The following IRF6 variants were observed in gnomAD, a reference collection of about 807,000 sequenced individuals.
The protein encoded by IRF6 is interferon regulatory factor 6, also known as Van der Woude syndrome.
A neutral mutation model predicts 51.4 loss-of-function variants in IRF6; 6 were observed. The ratio of observed to expected loss-of-function variants is 0.12; its 90% confidence interval spans 0.06 to 0.23. The LOEUF (loss-of-function observed/expected upper bound fraction) is 0.23. Among genes scored for constraint, IRF6 ranks in the 10% least tolerant of loss-of-function variants. The pLI is 1.00. For missense variants in IRF6, 348 were observed against 585.2 expected, an observed-to-expected ratio of 0.59 and a Z score of 4.18; for synonymous variants, 178 against 215.7, an observed-to-expected ratio of 0.83 and a Z score of 1.53.
Position 209,796,179 on chromosome 1 carries a change from T to C in IRF6, c.379+169A>G, listed in dbSNP as rs1571983176. The stretch of plus-strand genomic sequence containing the variant: ...AACATTCCCCTAAGTAAGCAAGATT[T>C]TGCTGAGTCTGCATCTTTTGTTTTC... On this transcript the variant is annotated intron_variant, in intron 4 of 8. Transcript: ENST00000367021. The surrounding 1 kb of genome is among the most constrained non-coding windows in gnomAD (Gnocchi z 4.5). Among the ~76,000 whole-genome samples the C allele has an allele frequency of 2.6e-5, 4 of 152,364 alleles. No homozygotes were observed. In the South Asian group the frequency reaches 8.3e-4, roughly 32 times the overall value.
chr1:209,797,387 A>AT (rs2077909340), intron 3 of IRF6, among the ~76,000 whole-genome samples: 1 of 150,560 alleles, frequency 6.6e-6, no homozygotes, highest in Non-Finnish European at 1.5e-5. Flanking sequence ...AAAAAAAAAA[A>AT]AAAAAAAAAG....
At chr1:209,805,452 G>C (rs1221488388) in intron 1 of IRF6, among the ~76,000 whole-genome samples, 1 of 152,150 alleles carries the variant, frequency 6.6e-6, no homozygotes, top group African/African-American at 2.4e-5. Context: ...GGCCCAGGGC[G>C]AAGGGCCTAA....
chr1:209,792,529 T>G, intron 5 of IRF6, 102 bp from the exon 6 acceptor site: 1 of 1,256,008 alleles, frequency 8.0e-7, no homozygotes, highest in Non-Finnish European at 1.1e-6. Flanking sequence ...AACCAAACAC[T>G]GAACCCTGAC....
rs1444234877 is a variant in IRF6, at chr1:209,785,707, A to C, written c.*2713T>G. 6.6e-6 allele frequency: 1 copy of C among 152,222 alleles called. No homozygotes were observed. Among genetic ancestry groups the C allele is most frequent in the Non-Finnish European group, 1.5e-5 (1 of 68,036 alleles). The allele number at this position is 152,222 out of a possible 1,614,324, so 9.4% of individuals were successfully genotyped here. On this transcript the variant is annotated 3_prime_UTR_variant, in exon 9 of 9. Transcript: ENST00000367021. ...AAAGACTGATTTAGTTCATTCATTT[A>C]TTCCAGCAACAAATATTTGAGAACA... is the stretch of plus-strand genomic sequence containing the variant.
intron 1 of IRF6, among the ~76,000 whole-genome samples, chr1:209,803,302 G>A (rs1485255915): frequency 1.3e-5 from 2 of 152,190 alleles, no homozygotes; most frequent in Admixed American, 1.3e-4. Context: ...AAGAGCTTTT[G>A]AGAATTTCCA....
chr1:209,793,478 A>T (rs1356628284), intron 5 of IRF6, among the ~76,000 whole-genome samples: 7 of 152,228 alleles, frequency 4.6e-5, no homozygotes, highest in Non-Finnish European at 2.9e-5. Context: ...GAATAACAGA[A>T]TGAGTCAGCC....
At chr1:209,798,531 G>A (rs901126068) in intron 3 of IRF6, among the ~76,000 whole-genome samples, 1 of 152,138 alleles carries the variant, frequency 6.6e-6, no homozygotes, top group Admixed American at 6.5e-5. Flanking sequence ...TCACCACACA[G>A]CCATCCCCAG....
chr1:209,795,008 T>G lies in IRF6; in HGVS notation c.508+282A>C, dbSNP rs557016484. Among the ~76,000 whole-genome samples the G allele has an allele frequency of 3.9e-5, 6 of 152,364 alleles. No individual in the cohort carries two copies. The South Asian group carries it at 6.2e-4, about 16-fold the overall frequency. On this transcript the variant is annotated intron_variant, in intron 5 of 8. Transcript: ENST00000367021. ...GCAAAATGTGTAACTGATGATATAT[T>G]TGTATGTTGGGTTAAGAATGAATTC...
chr1:209,789,350 A>AT (rs2102535627), intron 8 of IRF6, among the ~76,000 whole-genome samples: 1 of 55,772 alleles, frequency 1.8e-5, no homozygotes, highest in South Asian at 5.9e-4. Context: ...TGCAATTTAC[A>AT]TTGTGTGTGT....
At chr1:209,802,891 C>T (rs185019518) in intron 1 of IRF6, among the ~76,000 whole-genome samples, 2 of 152,314 alleles carry the variant, frequency 1.3e-5, no homozygotes, top group East Asian at 3.9e-4. Flanking sequence ...CACTTCTCTC[C>T]CCAGCCAGAC....
At chr1:209,791,129 A>G in intron 6 of IRF6, 1 of 826,910 alleles carries the variant, frequency 1.2e-6, no homozygotes, top group Non-Finnish European at 1.5e-6. Flanking sequence ...CAATCACCAC[A>G]CCCCAAAGGC....
chr1:209,801,948 C>T (rs964700242), intron 2 of IRF6, 24 bp downstream of exon 2: 2 of 152,204 alleles, frequency 1.3e-5, no homozygotes, highest in Non-Finnish European at 2.9e-5. Context: ...GGGGTAGATC[C>T]TGGACTCCAG....
chr1:209,795,421 AC>A lies in IRF6; in HGVS notation c.380-4del. 6.2e-7 allele frequency: 1 copy of A among 1,613,838 alleles called. No individual in the cohort carries two copies. Among genetic ancestry groups the A allele is most frequent in the Non-Finnish European group, 8.5e-7 (1 of 1,179,958 alleles). On this transcript the variant is annotated splice_region_variant and splice_polypyrimidine_tract_variant and intron_variant, in intron 4 of 8. Coordinates refer to ENST00000367021, the MANE Select transcript of IRF6 (RefSeq NM_006147.4). ...CCAGGGAGCAGACCCTGTGGATCCT[AC>A]CCAAGATACACAAGCTCGCAGGTGA...
Position 209,788,208 on chromosome 1 carries a change from T to A in IRF6, c.*212A>T. ...CTCCTTCTACTATGCTATATCATAC[T>A]ACCATTAGGAGATTTGAAAAAGAAA... On this transcript the variant is annotated 3_prime_UTR_variant, in exon 9 of 9. Coordinates refer to ENST00000367021, the MANE Select transcript of IRF6 (RefSeq NM_006147.4). The A allele has an allele frequency of 3.4e-6, 2 of 583,192 alleles. No individual in the cohort carries two copies. The highest frequency in any genetic ancestry group is 2.9e-5 in the East Asian group (1 of 34,676). The allele number at this position is 583,192 out of a possible 1,614,324, so 36.1% of individuals were successfully genotyped here.
chr1:209,799,111 T>G (rs989700013), intron 3 of IRF6, among the ~76,000 whole-genome samples: 5 of 152,106 alleles, frequency 3.3e-5, no homozygotes, highest in African/African-American at 1.2e-4. Flanking sequence ...ACAAATCCCT[T>G]TCCATACTTT....
chr1:209,791,028 A>T (rs1408101806), intron 6 of IRF6, 141 bp from the exon 7 acceptor site: 3 of 1,554,006 alleles, frequency 1.9e-6, no homozygotes, highest in Non-Finnish European at 2.6e-6. Context: ...CCTTCCTGCA[A>T]TAAAGGGAGA....
chr1:209,799,975 A>G (rs1412058896), intron 3 of IRF6, among the ~76,000 whole-genome samples: 1 of 152,184 alleles, frequency 6.6e-6, no homozygotes, highest in Non-Finnish European at 1.5e-5. Flanking sequence ...CTTTCTTTTG[A>G]ACCCTGCGCT....
At chr1:209,800,287 T>A (rs2077932624) in intron 3 of IRF6, among the ~76,000 whole-genome samples, 1 of 152,212 alleles carries the variant, frequency 6.6e-6, no homozygotes, top group Admixed American at 6.5e-5. Flanking sequence ...CAAGCTTTGG[T>A]TTCACTTAAA....
chr1:209,796,287 T>G lies in IRF6; in HGVS notation c.379+61A>C. ...GGCTGTTTTCAAGTTGACTATCTCT[T>G]AAGAGTGCAGCCCAGAATCTGGCAT... is the stretch of plus-strand genomic sequence containing the variant. On this transcript the variant is annotated intron_variant, in intron 4 of 8. Transcript: ENST00000367021. The surrounding 1 kb of genome is among the most constrained non-coding windows in gnomAD (Gnocchi z 4.5). 7.1e-7 allele frequency: 1 copy of G among 1,403,350 alleles called. No homozygotes were observed. The highest frequency in any genetic ancestry group is 1.0e-6 in the Non-Finnish European group (1 of 991,504). 86.9% of individuals were successfully genotyped at this position (1,403,350 alleles called of 1,614,324 possible). A position where few individuals can be genotyped will look rare whatever the true frequency, so the allele number is the denominator to read the frequency against.
Sources: gnomAD v4.1 joint callset for allele counts (sites outside exome capture counted in the v4.1 genomes callset) on GRCh38, gnomAD v4.1.1 for gene constraint, Gnocchi (gnomAD v3.1) non-coding constraint, MANE v1.5 for transcripts, NCBI Gene and HGNC (gene_info 2026-07-23, HGNC 2026-07-21) for gene names.